RBKS: variants seen among roughly 807,000 people sequenced by gnomAD.
RBKS encodes ribokinase.
A neutral mutation model predicts 33.9 loss-of-function variants in RBKS; 33 were observed. The ratio of observed to expected loss-of-function variants is 0.97; its 90% CI spans 0.74 to 1.30. RBKS has a LOEUF of 1.30. Ranked by LOEUF, RBKS falls within the 50% of genes most tolerant of loss-of-function variation. The probability of loss-of-function intolerance (pLI) is 0.00; values close to 1 mark genes in which losing one functional copy is unlikely to be tolerated. For missense variants in RBKS, 361 were observed against 392.6 expected (o/e 0.92, Z 0.68); for synonymous variants, 125 against 143.0 (o/e 0.87, Z 0.90).
At chr2:27,790,866 T>C (rs1385016481) in intron 7 of RBKS, among the ~76,000 whole-genome samples, 1 of 152,230 alleles carries the variant, frequency 6.6e-6, no homozygotes, top group African/African-American at 2.4e-5. Context: ...AGTTTGGCAG[T>C]TTCCTAATAA....
At chr2:27,825,136 CAAA>C (rs35672800) in intron 7 of RBKS, among the ~76,000 whole-genome samples, 1 of 138,650 alleles carries the variant, frequency 7.2e-6, no homozygotes, top group Admixed American at 7.2e-5. Context: ...GAACCTGTCT[CAAA>C]AAAAAAAAAA....
rs550086150 is a variant in RBKS at position 27,783,673 on chromosome 2, C to T, written c.796-1885G>A. 7.6e-3 allele frequency among the ~76,000 whole-genome samples: 1,152 copies of T among 152,068 alleles called. 7 individuals are homozygous for T. The highest frequency in any genetic ancestry group is 0.014 in the Non-Finnish European group (948 of 67,996). The stretch of plus-strand genomic sequence containing the variant: ...CTGTAATCCCAGCACTTCGGGAGGC[C>T]GAGGCGGGCGGATCACGAGGTCAGG... On this transcript the variant is annotated intron_variant, in intron 7 of 7. Transcript: ENST00000302188.
intron 7 of RBKS, chr2:27,809,985 T>A (rs1404711593): frequency 3.8e-5 from 49 of 1,304,310 alleles, no homozygotes; most frequent in Non-Finnish European, 4.9e-5. Flanking sequence ...CTGGGTTATT[T>A]ATAATGTTTC....
chr2:27,853,985 G>T (rs960530130), intron 2 of RBKS, among the ~76,000 whole-genome samples: 3 of 152,174 alleles, frequency 2.0e-5, no homozygotes. Context: ...AAATCTCAAT[G>T]CATGATCAGA....
intron 7 of RBKS, among the ~76,000 whole-genome samples, chr2:27,790,208 A>G (rs773191039): frequency 4.6e-5 from 7 of 152,056 alleles, no homozygotes; most frequent in Non-Finnish European, 8.8e-5. Flanking sequence ...CAGTAATTCA[A>G]TGGAGGAAAG....
At chr2:27,819,483 T>C (rs987247044) in intron 7 of RBKS, among the ~76,000 whole-genome samples, 12 of 152,202 alleles carry the variant, frequency 7.9e-5, no homozygotes, top group African/African-American at 2.9e-4. Context: ...TGTTCCTCCA[T>C]CTTTCATGAA....
intron 4 of RBKS, among the ~76,000 whole-genome samples, chr2:27,845,381 C>T (rs1483206264): frequency 1.3e-5 from 2 of 152,174 alleles, no homozygotes; most frequent in African/African-American, 2.4e-5. Context: ...TCTATTACCA[C>T]CTATAGTCTT....
intron 7 of RBKS, among the ~76,000 whole-genome samples, chr2:27,808,720 G>A (rs1305099571): frequency 2.0e-5 from 3 of 152,230 alleles, no homozygotes; most frequent in Admixed American, 1.3e-4. Flanking sequence ...CAGGACTGAA[G>A]TGGAGCATTT....
intron 7 of RBKS, among the ~76,000 whole-genome samples, chr2:27,808,329 T>C (rs1677929866): frequency 6.6e-6 from 1 of 152,242 alleles, no homozygotes; most frequent in Admixed American, 6.5e-5. Context: ...ACTGCCAGAT[T>C]CTTCCTTTAT....
intron 1 of RBKS, among the ~76,000 whole-genome samples, chr2:27,874,651 A>T (rs912043606): frequency 2.6e-5 from 4 of 152,192 alleles, no homozygotes; most frequent in Non-Finnish European, 5.9e-5. Context: ...TTAAAGGTTA[A>T]TTTCTCCAAA....
intron 7 of RBKS, among the ~76,000 whole-genome samples, chr2:27,813,543 G>A (rs1397982755): frequency 6.6e-6 from 1 of 152,038 alleles, no homozygotes; most frequent in Non-Finnish European, 1.5e-5. Context: ...CTGGGCAAAA[G>A]ACCTGAAGAA....
chr2:27,796,774 C>T lies in RBKS; in HGVS notation c.796-14986G>A, dbSNP rs370939427. Among the ~76,000 whole-genome samples the T allele has an allele frequency of 1.1e-4, 17 of 152,036 alleles. No individual in the cohort carries two copies. In the East Asian group the frequency reaches 1.2e-3, roughly 10 times the overall value. ...TGAGAGGCAGGAGCCCCTGAGGCAGCGCCTGGAGCTGGGTATGGGTCTGGG... is the reference window on the plus strand; with the variant it reads ...TGAGAGGCAGGAGCCCCTGAGGCAGTGCCTGGAGCTGGGTATGGGTCTGGG... On this transcript the variant is annotated intron_variant, in intron 7 of 7. Transcript: ENST00000302188.
chr2:27,889,774 C>T (rs534415538), intron 1 of RBKS, among the ~76,000 whole-genome samples: 3 of 152,238 alleles, frequency 2.0e-5, no homozygotes, highest in East Asian at 3.9e-4. Context: ...TTCTGCTCAA[C>T]TCATTATTTT....
At chr2:27,875,693 A>G (rs1018942030) in intron 1 of RBKS, among the ~76,000 whole-genome samples, 4 of 152,254 alleles carry the variant, frequency 2.6e-5, no homozygotes, top group Admixed American at 6.5e-5. Flanking sequence ...AACCAACTTA[A>G]AAGTATTTAT....
chr2:27,882,633 T>C (rs895891366), intron 1 of RBKS, among the ~76,000 whole-genome samples: 2 of 152,208 alleles, frequency 1.3e-5, no homozygotes, highest in Admixed American at 1.3e-4. Flanking sequence ...CATGTGTATG[T>C]TCATTACAGC....
chr2:27,789,868 ATGTGTGTGTGTG>A (rs112593610), intron 7 of RBKS, among the ~76,000 whole-genome samples: 12 of 131,080 alleles, frequency 9.2e-5, no homozygotes, highest in African/African-American at 1.7e-4. Context: ...TGGCCAGCTG[ATGTGTGTGTGTG>A]TGTGTGTGTG....
At chr2:27,793,700 T>C (rs940341010) in intron 7 of RBKS, among the ~76,000 whole-genome samples, 1 of 152,226 alleles carries the variant, frequency 6.6e-6, no homozygotes, top group African/African-American at 2.4e-5. Context: ...AAAACCACTA[T>C]TGGGACATTA....
At chr2:27,879,068 G>A (rs751157919) in intron 1 of RBKS, among the ~76,000 whole-genome samples, 6 of 152,184 alleles carry the variant, frequency 3.9e-5, no homozygotes, top group Non-Finnish European at 7.3e-5. Flanking sequence ...TACCACACAA[G>A]CACATCCATG....
chr2:27,857,876 T>C (rs567790219), intron 2 of RBKS, among the ~76,000 whole-genome samples: 5 of 152,324 alleles, frequency 3.3e-5, no homozygotes, highest in Admixed American at 3.3e-4. Context: ...TCCACAAGAA[T>C]TGAAAGCAGG....
Sources: allele counts gnomAD v4.1 joint callset (sites outside exome capture counted in the v4.1 genomes callset), GRCh38; gene constraint gnomAD v4.1.1; transcripts MANE v1.5; gene names NCBI Gene and HGNC (gene_info 2026-07-23, HGNC 2026-07-21).